Variants in AFF3 observed in about 807,000 individuals in gnomAD.
The protein encoded by AFF3 is ALF transcription elongation factor 3.
AFF3 carries 32 observed loss-of-function variants against 129.7 expected under a neutral mutation model. The ratio of observed to expected loss-of-function variants is 0.25; its 90% CI spans 0.19 to 0.33. The LOEUF is 0.33. Ranked by LOEUF, AFF3 falls within the 10% of genes least tolerant of loss-of-function variation. The pLI is 1.00. For synonymous variants in AFF3, 644 were observed against 635.4 expected (o/e 1.01, Z -0.20); for missense variants, 1,373 against 1,592.0 (o/e 0.86, Z 2.34).
chr2:99,555,466 G>C (rs3792118), intron 22 of AFF3, among the ~76,000 whole-genome samples: 1 of 152,034 alleles, frequency 6.6e-6, no homozygotes, highest in Non-Finnish European at 1.5e-5. Flanking sequence ...TATATTTCCA[G>C]AACAGACAGG....
intron 7 of AFF3, among the ~76,000 whole-genome samples, chr2:99,877,352 CA>C (rs1692382130): frequency 6.6e-6 from 1 of 152,092 alleles, no homozygotes; most frequent in Non-Finnish European, 1.5e-5. Context: ...TTTGGGATGC[CA>C]GGGGGCCTTC....
intron 8 of AFF3, among the ~76,000 whole-genome samples, chr2:99,836,551 T>C (rs927338645): frequency 6.6e-6 from 1 of 152,144 alleles, no homozygotes; most frequent in Non-Finnish European, 1.5e-5. Flanking sequence ...GATTTATTTA[T>C]GAAATAATGC....
At chr2:99,842,518 G>A (rs1689392759) in intron 7 of AFF3, among the ~76,000 whole-genome samples, 1 of 152,048 alleles carries the variant, frequency 6.6e-6, no homozygotes, top group Non-Finnish European at 1.5e-5. Flanking sequence ...CCAACTTTGA[G>A]GAACCCACCT....
intron 7 of AFF3, among the ~76,000 whole-genome samples, chr2:99,870,793 C>G (rs1691816338): frequency 6.6e-6 from 1 of 152,192 alleles, no homozygotes; most frequent in African/African-American, 2.4e-5. Flanking sequence ...GACAATTTAT[C>G]AACTACACCA....
chr2:99,652,564 T>G (rs1685360212), intron 12 of AFF3, among the ~76,000 whole-genome samples: 1 of 151,644 alleles, frequency 6.6e-6, no homozygotes, highest in South Asian at 2.1e-4. Context: ...TGAGACAACT[T>G]CCATAAGTAA....
chr2:99,950,988 A>C (rs1676112005), intron 7 of AFF3, among the ~76,000 whole-genome samples: 1 of 152,254 alleles, frequency 6.6e-6, no homozygotes. Context: ...AAGGGGCTGC[A>C]TAATATGAAT....
At chr2:99,690,955 T>C (rs1467891516) in intron 11 of AFF3, among the ~76,000 whole-genome samples, 1 of 151,944 alleles carries the variant, frequency 6.6e-6, no homozygotes, top group Non-Finnish European at 1.5e-5. Context: ...GCTGGGTGTG[T>C]TTCTGTTTGA....
At chr2:100,020,744 T>G (rs1411242141) in intron 4 of AFF3, among the ~76,000 whole-genome samples, 2 of 152,216 alleles carry the variant, frequency 1.3e-5, no homozygotes, top group African/African-American at 4.8e-5. Flanking sequence ...TCTCTCCTTC[T>G]GCACTGCCAA....
At chr2:99,814,853 CT>C (rs34474594) in intron 8 of AFF3, among the ~76,000 whole-genome samples, 3,488 of 143,480 alleles carry the variant, frequency 0.024, 116 homozygotes, top group African/African-American at 0.081. Flanking sequence ...TTTAATTATA[CT>C]TTTTTTTTTT....
chr2:100,135,863 G>A (rs1301247754), intron 1 of AFF3, among the ~76,000 whole-genome samples: 2 of 152,202 alleles, frequency 1.3e-5, no homozygotes, highest in South Asian at 2.1e-4. Flanking sequence ...AGAGACCATA[G>A]GATCTAGGAC....
intron 13 of AFF3, among the ~76,000 whole-genome samples, chr2:99,621,286 T>C (rs2105306304): frequency 6.6e-6 from 1 of 152,342 alleles, no homozygotes; most frequent in South Asian, 2.1e-4. Context: ...CTCCCTAAAT[T>C]CGCACACAGC....
intron 7 of AFF3, among the ~76,000 whole-genome samples, chr2:99,866,108 C>T (rs190242643): frequency 5.3e-5 from 8 of 152,302 alleles, no homozygotes; most frequent in African/African-American, 1.9e-4. Flanking sequence ...GTTGAAATTT[C>T]AGTCTTAGAC....
intron 4 of AFF3, chr2:100,011,673 C>T (rs1044516582): frequency 1.9e-5 from 14 of 741,964 alleles, no homozygotes; most frequent in Admixed American, 1.2e-4. Flanking sequence ...TTCCAGAAGC[C>T]GAGGGGAAAG....
At chr2:100,008,627 T>G (rs570283445) in intron 5 of AFF3, among the ~76,000 whole-genome samples, 185 bp downstream of exon 5, 6 of 152,228 alleles carry the variant, frequency 3.9e-5, no homozygotes, top group Non-Finnish European at 7.3e-5. Flanking sequence ...AGTAAAGCCA[T>G]GTGAACCACA....
chr2:99,926,869 A>AT (rs1696286024), intron 7 of AFF3, among the ~76,000 whole-genome samples: 1 of 152,138 alleles, frequency 6.6e-6, no homozygotes, highest in Admixed American at 6.5e-5. Flanking sequence ...AAAAAACATA[A>AT]TTTTTTTAAG....
At chr2:99,879,289 A>G (rs906849777) in intron 7 of AFF3, among the ~76,000 whole-genome samples, 7 of 152,122 alleles carry the variant, frequency 4.6e-5, no homozygotes, top group Non-Finnish European at 1.0e-4. Context: ...CTGAACTTCT[A>G]TGTTTATACC....
intron 12 of AFF3, among the ~76,000 whole-genome samples, chr2:99,660,367 T>C (rs1686121364): frequency 6.6e-6 from 1 of 152,244 alleles, no homozygotes; most frequent in African/African-American, 2.4e-5. Flanking sequence ...TAAACCTTTT[T>C]TTACTTAGGC....
chr2:99,656,986 G>A (rs977838955), intron 12 of AFF3, among the ~76,000 whole-genome samples: 1 of 152,118 alleles, frequency 6.6e-6, no homozygotes, highest in African/African-American at 2.4e-5. Context: ...AACCAGACTG[G>A]AGTCAGAGAC....
chr2:100,003,122 G>GGGGGGGGGGGGGGGGGGGT (rs1681590233), intron 7 of AFF3, among the ~76,000 whole-genome samples: 1 of 133,930 alleles, frequency 7.5e-6, no homozygotes, highest in African/African-American at 2.7e-5. Flanking sequence ...GGGGGTGGGG[G>GGGGGGGGGGGGGGGGGGGT]TGGTACTGTG....
Sources: allele counts gnomAD v4.1 joint callset (sites outside exome capture counted in the v4.1 genomes callset), GRCh38; gene constraint gnomAD v4.1.1; transcripts MANE v1.5; gene names NCBI Gene and HGNC (gene_info 2026-07-23, HGNC 2026-07-21).